CR1L: variants seen among roughly 807,000 people sequenced by gnomAD.
The protein encoded by CR1L is complement component receptor 1-like protein.
CR1L carries 59 observed loss-of-function variants against 62.3 expected under a neutral mutation model. The ratio of observed to expected loss-of-function variants is 0.95; its 90% CI spans 0.77 to 1.18. The LOEUF (loss-of-function observed/expected upper bound fraction) is 1.18. Among genes scored for constraint, CR1L ranks in the 50% most tolerant of loss-of-function variants. The pLI is 0.00. For missense variants in CR1L, 700 were observed against 702.8 expected, an observed-to-expected ratio of 1.00 and a Z score of 0.04; for synonymous variants, 279 against 248.7, an observed-to-expected ratio of 1.12 and a Z score of -1.15.
chr1:207,699,503 C>G (rs1188935126), intron 8 of CR1L, among the ~76,000 whole-genome samples: 1 of 152,132 alleles, frequency 6.6e-6, no homozygotes, highest in South Asian at 2.1e-4. Context: ...GCGATAAATC[C>G]TATGGTCGTG....
chr1:207,662,793 CT>C (rs1225276266), intron 1 of CR1L, among the ~76,000 whole-genome samples: 1 of 152,132 alleles, frequency 6.6e-6, no homozygotes, highest in Non-Finnish European at 1.5e-5. Context: ...TACCTTTGGT[CT>C]TTGATGATGG....
chr1:207,707,226 C>A (rs1212391463), intron 9 of CR1L, among the ~76,000 whole-genome samples: 1 of 152,200 alleles, frequency 6.6e-6, no homozygotes, highest in Non-Finnish European at 1.5e-5. Context: ...GCATTTGTCT[C>A]TGTCATCGGA....
intron 3 of CR1L, among the ~76,000 whole-genome samples, chr1:207,681,321 A>T (rs1279730469): frequency 2.6e-5 from 4 of 152,140 alleles, no homozygotes; most frequent in African/African-American, 9.7e-5. Context: ...TAACTTTGTG[A>T]ATCCACAACT....
At chr1:207,710,724 C>G in intron 10 of CR1L, 1 of 1,609,704 alleles carries the variant, frequency 6.2e-7, no homozygotes, top group Non-Finnish European at 8.5e-7. Context: ...GGACCCCCCG[C>G]ACCGTGTGCA....
intron 1 of CR1L, among the ~76,000 whole-genome samples, chr1:207,650,511 A>G (rs1261102314): frequency 2.0e-5 from 3 of 152,112 alleles, no homozygotes; most frequent in East Asian, 3.8e-4. Flanking sequence ...AGTAATTTTC[A>G]TAGACCTAAA....
At chr1:207,668,205 G>C (rs1663551828) in intron 1 of CR1L, among the ~76,000 whole-genome samples, 1 of 151,108 alleles carries the variant, frequency 6.6e-6, no homozygotes, top group African/African-American at 2.5e-5. Flanking sequence ...ATGATGAAAA[G>C]ATATCTGCAC....
chr1:207,687,827 CTAA>C (rs758838386), intron 4 of CR1L, among the ~76,000 whole-genome samples: 60 of 152,274 alleles, frequency 3.9e-4, no homozygotes, highest in Non-Finnish European at 7.8e-4. Context: ...CTCTTGTTTT[CTAA>C]TAAATGTAAC....
At chr1:207,654,947 G>A (rs1272234199) in intron 1 of CR1L, among the ~76,000 whole-genome samples, 1 of 152,200 alleles carries the variant, frequency 6.6e-6, no homozygotes, top group Non-Finnish European at 1.5e-5. Flanking sequence ...AGGCTGGGTG[G>A]AACGGCACAG....
At chr1:207,684,871 A>G (rs1446867072) in intron 4 of CR1L, among the ~76,000 whole-genome samples, 1 of 152,150 alleles carries the variant, frequency 6.6e-6, no homozygotes, top group Non-Finnish European at 1.5e-5. Flanking sequence ...TAACTTGGGG[A>G]CTTCTTTACT....
chr1:207,710,377 C>A, intron 10 of CR1L: 5 of 1,451,090 alleles, frequency 3.4e-6, no homozygotes, highest in Non-Finnish European at 4.8e-6. Context: ...GGTCTCTTTT[C>A]CCAGGAATTC....
intron 1 of CR1L, among the ~76,000 whole-genome samples, chr1:207,677,009 A>G (rs1412504528): frequency 6.6e-6 from 1 of 151,968 alleles, no homozygotes; most frequent in Non-Finnish European, 1.5e-5. Flanking sequence ...TCTATGCAGT[A>G]TATTTGAGAG....
rs1334388392 is a variant in CR1L, at chr1:207,645,250, G to A, written c.17G>A (p.Arg6His). 3 of 1,613,380 alleles carry A rather than the reference G, an allele frequency of 1.9e-6. No individual in the cohort carries two copies. Among genetic ancestry groups the A allele is most frequent in the Admixed American group, 3.3e-5 (2 of 60,038 alleles). Residue 6 changes from arginine (R) to histidine (H), a missense_variant, in exon 1 of 12, where the codon CGT becomes CAT. Coordinates refer to ENST00000508064, the MANE Select transcript of CR1L (RefSeq NM_175710.2). ...GCGCCGCTCATGGCGCCTCCCGTCC[G>A]TCTCGAGCGTCCCTTTCCTTCCCGG... MAPPVRLERPFPSRRF... is the reference protein window; with the variant it reads MAPPVHLERPFPSRRF...
chr1:207,707,606 C>A (rs1050646418), intron 9 of CR1L, among the ~76,000 whole-genome samples: 1 of 151,968 alleles, frequency 6.6e-6, no homozygotes, highest in Non-Finnish European at 1.5e-5. Flanking sequence ...CCAGCCTGAG[C>A]GACAGAGCCA....
chr1:207,670,309 A>G (rs1663590340), intron 1 of CR1L, among the ~76,000 whole-genome samples: 1 of 151,206 alleles, frequency 6.6e-6, no homozygotes, highest in Non-Finnish European at 1.5e-5. Flanking sequence ...GCCCCAGAAC[A>G]TGCAATGTAA....
intron 1 of CR1L, among the ~76,000 whole-genome samples, chr1:207,660,886 T>C (rs1472375559): frequency 2.0e-5 from 3 of 152,220 alleles, no homozygotes; most frequent in African/African-American, 4.8e-5. Flanking sequence ...TTATTTCTGC[T>C]TTCATTTCGT....
chr1:207,662,461 C>T (rs1230873124), intron 1 of CR1L, among the ~76,000 whole-genome samples: 1 of 152,196 alleles, frequency 6.6e-6, no homozygotes, highest in African/African-American at 2.4e-5. Context: ...CTTGTGCATT[C>T]GTCACGTAGT....
At chr1:207,713,320 A>C (rs1382432789) in intron 10 of CR1L, among the ~76,000 whole-genome samples, 2 of 152,264 alleles carry the variant, frequency 1.3e-5, no homozygotes, top group African/African-American at 4.8e-5. Flanking sequence ...TGTTTTAGGA[A>C]ACTTAAAACC....
At chr1:207,682,614 T>C (rs1004878498) in intron 3 of CR1L, among the ~76,000 whole-genome samples, 8 of 152,320 alleles carry the variant, frequency 5.3e-5, no homozygotes, top group African/African-American at 1.9e-4. Flanking sequence ...ACTGTTTCGT[T>C]GTTTGAATAA....
intron 10 of CR1L, among the ~76,000 whole-genome samples, chr1:207,712,965 A>G (rs1194778959): frequency 6.6e-6 from 1 of 152,150 alleles, no homozygotes; most frequent in African/African-American, 2.4e-5. Flanking sequence ...GTACCCAGAG[A>G]GATTAATTTA....
Sources: allele counts gnomAD v4.1 joint callset (sites outside exome capture counted in the v4.1 genomes callset), GRCh38; gene constraint gnomAD v4.1.1; transcripts MANE v1.5; gene names NCBI Gene and HGNC (gene_info 2026-07-23, HGNC 2026-07-21).